Variants in PLXDC2 observed in about 807,000 individuals in gnomAD.
The protein encoded by PLXDC2 is plexin domain-containing protein 2.
PLXDC2 carries 40 observed loss-of-function variants against 68.9 expected under a neutral mutation model. The observed-to-expected ratio is 0.58, with a 90% CI of 0.45 to 0.76. PLXDC2 has a LOEUF of 0.76. Among genes scored for constraint, PLXDC2 ranks in the 30% least tolerant of loss-of-function variants. PLXDC2 has a pLI of 0.00. For missense variants in PLXDC2, 644 were observed against 661.9 expected (o/e 0.97, Z 0.30); for synonymous variants, 243 against 234.2 (o/e 1.04, Z -0.34).
intron 1 of PLXDC2, among the ~76,000 whole-genome samples, chr10:19,858,723 T>A (rs1837262704): frequency 6.6e-6 from 1 of 151,940 alleles, no homozygotes; most frequent in Non-Finnish European, 1.5e-5. Flanking sequence ...TGTAGAGTGG[T>A]CCAGTGGGCA....
At chr10:19,994,312 ATTTTTTTTTTTTT>A (rs869124443) in intron 1 of PLXDC2, among the ~76,000 whole-genome samples, 2 of 34,312 alleles carry the variant, frequency 5.8e-5, no homozygotes, top group Non-Finnish European at 9.9e-5. Context: ...ACATGATTAA[ATTTTTTTTTTTTT>A]TTTTTTTTTT....
At chr10:19,840,214 G>T (rs1320034353) in intron 1 of PLXDC2, among the ~76,000 whole-genome samples, 3 of 151,934 alleles carry the variant, frequency 2.0e-5, no homozygotes, top group African/African-American at 7.2e-5. Context: ...TTCAGGAAAG[G>T]AATCTCTTAG....
chr10:19,836,064 C>G (rs1836786319), intron 1 of PLXDC2, among the ~76,000 whole-genome samples: 1 of 151,928 alleles, frequency 6.6e-6, no homozygotes. Context: ...GTGGTCCCAG[C>G]TACACTGGAA....
chr10:19,864,378 A>G (rs1302850437), intron 1 of PLXDC2, among the ~76,000 whole-genome samples: 1 of 152,194 alleles, frequency 6.6e-6, no homozygotes, highest in Non-Finnish European at 1.5e-5. Flanking sequence ...TAAAATAGGC[A>G]TCTATCTGGC....
At chr10:20,161,430 C>T (rs1834289807) in intron 6 of PLXDC2, among the ~76,000 whole-genome samples, 3 of 150,992 alleles carry the variant, frequency 2.0e-5, no homozygotes, top group Non-Finnish European at 4.4e-5. Flanking sequence ...AAGTAGTAAG[C>T]AGTTTTTCAA....
chr10:19,912,547 C>T lies in PLXDC2; in HGVS notation c.113-89228C>T, dbSNP rs559914084. Among the ~76,000 whole-genome samples, 5 of 152,128 alleles carry T rather than the reference C, an allele frequency of 3.3e-5. No individual in the cohort carries two copies. The East Asian group carries it at 5.8e-4, about 18-fold the overall frequency. ...TCACTTTTTTCAGAATCAAATTTAT[C>T]GGTCCTGGACAACAGGAGTAATGAT... On this transcript the variant is annotated intron_variant, in intron 1 of 13. Transcript: ENST00000377252.
At chr10:20,223,970 GTATT>G (rs754501618) in intron 12 of PLXDC2, among the ~76,000 whole-genome samples, 21 of 110,640 alleles carry the variant, frequency 1.9e-4, no homozygotes, top group African/African-American at 7.2e-4. Context: ...ATCCTAGAAT[GTATT>G]TTTTTTTTTT....
At chr10:19,947,711 T>C (rs1331538769) in intron 1 of PLXDC2, among the ~76,000 whole-genome samples, 8 of 148,086 alleles carry the variant, frequency 5.4e-5, no homozygotes, top group African/African-American at 1.7e-4. Flanking sequence ...TTCTTTCTTT[T>C]TTTTTTTTTT....
chr10:20,013,196 C>T (rs1835147222), intron 2 of PLXDC2, among the ~76,000 whole-genome samples: 1 of 152,148 alleles, frequency 6.6e-6, no homozygotes, highest in African/African-American at 2.4e-5. Flanking sequence ...ACCTACCTAT[C>T]TACCTACCTG....
At chr10:19,832,162 G>T (rs1836706348) in intron 1 of PLXDC2, among the ~76,000 whole-genome samples, 1 of 152,122 alleles carries the variant, frequency 6.6e-6, no homozygotes, top group African/African-American at 2.4e-5. Flanking sequence ...GGGTTCTCCA[G>T]AATTTAAAAA....
intron 1 of PLXDC2, among the ~76,000 whole-genome samples, chr10:19,851,579 T>G (rs1484470150): frequency 6.6e-6 from 1 of 152,182 alleles, no homozygotes; most frequent in African/African-American, 2.4e-5. Context: ...AGAGTCTCGC[T>G]CTGTTACCCA....
chr10:20,095,560 GA>G (rs993606043), intron 4 of PLXDC2, among the ~76,000 whole-genome samples: 1 of 152,150 alleles, frequency 6.6e-6, no homozygotes, highest in Non-Finnish European at 1.5e-5. Context: ...GTAATTTGGT[GA>G]TACTACAGTG....
chr10:20,085,967 A>G (rs1016259542), intron 4 of PLXDC2, among the ~76,000 whole-genome samples: 12 of 152,268 alleles, frequency 7.9e-5, no homozygotes, highest in Middle Eastern at 3.4e-3. Context: ...CTAAGCCACT[A>G]CTCATCCCTC....
At chr10:20,133,907 G>C (rs1416495395) in intron 4 of PLXDC2, among the ~76,000 whole-genome samples, 1 of 151,936 alleles carries the variant, frequency 6.6e-6, no homozygotes, top group Non-Finnish European at 1.5e-5. Flanking sequence ...AAATTCTTTT[G>C]TTGTTGCTCC....
intron 1 of PLXDC2, among the ~76,000 whole-genome samples, chr10:19,866,493 A>G (rs1343095157): frequency 4.6e-5 from 7 of 152,236 alleles, no homozygotes; most frequent in Non-Finnish European, 8.8e-5. Flanking sequence ...CACTAGGCCC[A>G]CATGGATAAT....
chr10:20,073,920 T>C (rs936591171), intron 4 of PLXDC2, among the ~76,000 whole-genome samples: 1 of 152,154 alleles, frequency 6.6e-6, no homozygotes, highest in Middle Eastern at 3.2e-3. Context: ...TCACTAGGAA[T>C]GATGTTTTTA....
In PLXDC2 at chr10:19,962,884, G is replaced by A. The variant is rs531164141; in HGVS notation, c.113-38891G>A. Among the ~76,000 whole-genome samples, 38 of 150,664 alleles carry A rather than the reference G, an allele frequency of 2.5e-4. No homozygotes were observed. The South Asian group carries it at 7.7e-3, about 31-fold the overall frequency. On this transcript the variant is annotated intron_variant, in intron 1 of 13. Transcript: ENST00000377252. Reference sequence around the variant, plus strand: ...TGGTGCCTGTAGTCCCAGCTGCTCGGGAGGCTGAGGCGGGAGAATGGCGTG... The same window carrying A: ...TGGTGCCTGTAGTCCCAGCTGCTCGAGAGGCTGAGGCGGGAGAATGGCGTG...
intron 3 of PLXDC2, among the ~76,000 whole-genome samples, chr10:20,051,301 G>T (rs2131687994): frequency 6.6e-6 from 1 of 150,772 alleles, no homozygotes; most frequent in Admixed American, 6.7e-5. Flanking sequence ...TTAATATTTG[G>T]GTGATGAAAG....
chr10:19,879,441 G>A (rs1344632209), intron 1 of PLXDC2, among the ~76,000 whole-genome samples: 2 of 152,110 alleles, frequency 1.3e-5, no homozygotes, highest in East Asian at 1.9e-4. Context: ...ATCTCTATGT[G>A]TGACGGTGCA....
Sources: allele counts gnomAD v4.1 joint callset (sites outside exome capture counted in the v4.1 genomes callset), GRCh38; gene constraint gnomAD v4.1.1; transcripts MANE v1.5; gene names NCBI Gene and HGNC (gene_info 2026-07-23, HGNC 2026-07-21).